ANKFN1: variants seen among roughly 807,000 people sequenced by gnomAD.
ANKFN1 encodes ankyrin repeat and fibronectin type III domain containing 1.
Under a neutral mutation model 108.7 loss-of-function variants are expected in ANKFN1, and 74 were observed. The ratio of observed to expected loss-of-function variants is 0.68; its 90% CI spans 0.56 to 0.83. The LOEUF is 0.83. ANKFN1 is among the 40% of genes least tolerant of loss of function. The pLI is 0.00. For synonymous variants in ANKFN1, 547 were observed against 516.2 expected (o/e 1.06, Z -0.81); for missense variants, 1,505 against 1,382.3 (o/e 1.09, Z -1.41).
At chr17:56,376,982 T>G (rs2046964289) in intron 8 of ANKFN1, among the ~76,000 whole-genome samples, 1 of 152,126 alleles carries the variant, frequency 6.6e-6, no homozygotes, top group Non-Finnish European at 1.5e-5. Context: ...AATATTAGTG[T>G]AATTATTTTG....
At position 56,350,902 on chromosome 17, in the gene ANKFN1, T is replaced by A; in HGVS notation, c.325T>A (p.Ser109Thr). The A allele has an allele frequency of 6.2e-7, 1 of 1,613,844 alleles. No individual in the cohort carries two copies. The highest frequency in any genetic ancestry group is 8.5e-7 in the Non-Finnish European group (1 of 1,179,882). The change falls in exon 5 of 21, where the codon TCT becomes ACT. Residue 109 changes from serine to threonine, a missense_variant. Coordinates refer to ENST00000682825, the MANE Select transcript of ANKFN1 (RefSeq NM_001370326.1). Reference sequence around the variant, plus strand: ...CTCTGAGAAACTGAAAGGGAGCCACTCTTCCTTCGATGAGGCCTATTTTAG... The same window carrying A: ...CTCTGAGAAACTGAAAGGGAGCCACACTTCCTTCGATGAGGCCTATTTTAG... Reference protein sequence around the residue: ...NLSEKLKGSHSSFDEAYFRTR... With the variant: ...NLSEKLKGSHTSFDEAYFRTR...
chr17:56,245,526 T>G (rs1180852591), intron 3 of ANKFN1, among the ~76,000 whole-genome samples: 1 of 152,122 alleles, frequency 6.6e-6, no homozygotes, highest in Non-Finnish European at 1.5e-5. Context: ...CATGCTAACT[T>G]TAAACCCTAA....
intron 4 of ANKFN1, among the ~76,000 whole-genome samples, chr17:56,327,577 ATTC>A (rs2045556767): frequency 6.6e-6 from 1 of 152,198 alleles, no homozygotes; most frequent in South Asian, 2.1e-4. Flanking sequence ...AGCCAAGGTC[ATTC>A]TCCCAGGTGA....
intron 10 of ANKFN1, among the ~76,000 whole-genome samples, chr17:56,447,223 A>C (rs1177677322): frequency 6.6e-6 from 1 of 152,210 alleles, no homozygotes; most frequent in East Asian, 1.9e-4. Flanking sequence ...ACTCTTTCTC[A>C]GAAAAAAAGA....
At chr17:56,501,189 G>A (rs1212285858) in intron 20 of ANKFN1, among the ~76,000 whole-genome samples, 5 of 152,184 alleles carry the variant, frequency 3.3e-5, no homozygotes, top group East Asian at 1.9e-4. Flanking sequence ...ACAAAAGGGC[G>A]GATCGTGAGA....
At chr17:56,247,033 T>C (rs910184180) in intron 3 of ANKFN1, among the ~76,000 whole-genome samples, 5 of 152,232 alleles carry the variant, frequency 3.3e-5, no homozygotes, top group Non-Finnish European at 7.4e-5. Context: ...GCTTTCAACA[T>C]GTAGAATGGT....
chr17:56,515,622 C>G lies in ANKFN1; in HGVS notation c.*4353C>G, dbSNP rs2051896243. Reference sequence around the variant, plus strand: ...GTAGTGTATTTGAAACCATGTTGTACCACTTGGAAACTTATTCTAAGATCT... The same window carrying G: ...GTAGTGTATTTGAAACCATGTTGTAGCACTTGGAAACTTATTCTAAGATCT... On this transcript the variant is annotated 3_prime_UTR_variant, in exon 21 of 21. Transcript: ENST00000682825. 6.6e-6 allele frequency among the ~76,000 whole-genome samples: 1 copy of G among 152,164 alleles called. No individual in the cohort carries two copies. Among genetic ancestry groups the G allele is most frequent in the African/African-American group, 2.4e-5 (1 of 41,422 alleles).
Position 56,510,499 on chromosome 17 carries a change from G to A in ANKFN1, c.2671G>A (p.Ala891Thr), listed in dbSNP as rs1342022279. The change falls in exon 21 of 21, where the codon GCC (alanine) becomes ACC (threonine). Residue 891 changes from alanine (A) to threonine (T), a missense_variant. Coordinates refer to ENST00000682825, the MANE Select transcript of ANKFN1 (RefSeq NM_001370326.1). ...TTCACAGCCCTGCTCTGATGAAGAAGCCTGCTCAGAAGTCTTCCTCCCCAC... is the reference window on the plus strand; with the variant it reads ...TTCACAGCCCTGCTCTGATGAAGAAACCTGCTCAGAAGTCTTCCTCCCCAC... ...SDSQPCSDEE[A>T]CSEVFLPTNS... The A allele has an allele frequency of 1.3e-6, 2 of 1,536,158 alleles. No homozygotes were observed. The highest frequency in any genetic ancestry group is 2.4e-5 in the East Asian group (1 of 40,920).
intron 4 of ANKFN1, among the ~76,000 whole-genome samples, chr17:56,120,422 C>A (rs1906545092): frequency 6.6e-6 from 1 of 152,090 alleles, no homozygotes; most frequent in Non-Finnish European, 1.5e-5. Flanking sequence ...TAGTCTTTGG[C>A]AATCTTGGGA....
chr17:56,290,912 A>G (rs7217792), intron 3 of ANKFN1, among the ~76,000 whole-genome samples: 15,160 of 152,088 alleles, frequency 0.1, 1,673 homozygotes, highest in African/African-American at 0.27. Context: ...TTTCATGAGC[A>G]CCTGTCTCCA....
intron 1 of ANKFN1, among the ~76,000 whole-genome samples, chr17:56,167,916 G>T (rs554648412): frequency 3.3e-5 from 5 of 152,230 alleles, no homozygotes; most frequent in Admixed American, 2.6e-4. Flanking sequence ...CCTGGAAAAT[G>T]CAGGCTTCCA....
Position 56,227,765 on chromosome 17 carries a change from A to G in ANKFN1, c.13-152A>G. ...TGGGCTACAGCCTCCTGTATCCCCAAGAAAAGTCTCCCAATAAATATATAT... is the reference window on the plus strand; with the variant it reads ...TGGGCTACAGCCTCCTGTATCCCCAGGAAAAGTCTCCCAATAAATATATAT... On this transcript the variant is annotated intron_variant, in intron 2 of 20. Transcript: ENST00000682825. 3 of 663,482 alleles carry G rather than the reference A, an allele frequency of 4.5e-6. No homozygotes were observed. The South Asian group carries it at 5.4e-5, about 12-fold the overall frequency. 41.1% of individuals were successfully genotyped at this position (663,482 alleles called of 1,614,324 possible). A position where few individuals can be genotyped will look rare whatever the true frequency, so the allele number is the denominator to read the frequency against.
intron 4 of ANKFN1, among the ~76,000 whole-genome samples, chr17:56,336,295 A>G (rs941993213): frequency 1.3e-5 from 2 of 152,172 alleles, no homozygotes; most frequent in Non-Finnish European, 2.9e-5. Flanking sequence ...AAGGAATGGT[A>G]CCAGCTCCTC....
intron 3 of ANKFN1, among the ~76,000 whole-genome samples, chr17:56,237,284 G>A (rs1917224509): frequency 6.6e-6 from 1 of 152,092 alleles, no homozygotes; most frequent in South Asian, 2.1e-4. Context: ...AGAATGAGGT[G>A]GGGAAGAATT....
chr17:56,162,906 G>A (rs552370908), intron 1 of ANKFN1, among the ~76,000 whole-genome samples: 3 of 151,888 alleles, frequency 2.0e-5, no homozygotes, highest in Non-Finnish European at 4.4e-5. Context: ...ATGCTGGCAG[G>A]CGCCTGTAAT....
chr17:56,265,842 T>G (rs1016056751), intron 3 of ANKFN1, among the ~76,000 whole-genome samples: 8 of 152,232 alleles, frequency 5.3e-5, no homozygotes, highest in African/African-American at 1.7e-4. Context: ...TGTATTCTTT[T>G]TATTGTTTTA....
chr17:56,401,136 A>G (rs551053929), intron 8 of ANKFN1, among the ~76,000 whole-genome samples: 2 of 152,062 alleles, frequency 1.3e-5, no homozygotes, highest in Non-Finnish European at 2.9e-5. Flanking sequence ...TGATGGTGGT[A>G]TTTTGATGTG....
chr17:56,251,799 A>C (rs192595855), intron 3 of ANKFN1, among the ~76,000 whole-genome samples: 46 of 152,198 alleles, frequency 3.0e-4, no homozygotes, highest in African/African-American at 1.0e-3. Flanking sequence ...AGTTACCAAT[A>C]CTCCTAGCCT....
At chr17:56,087,827 G>A (rs1456985360) in intron 4 of ANKFN1, among the ~76,000 whole-genome samples, 1 of 151,388 alleles carries the variant, frequency 6.6e-6, no homozygotes, top group Non-Finnish European at 1.5e-5. Context: ...GCACTGCAAT[G>A]TCAGGGTTAA....
Sources: allele counts gnomAD v4.1 joint callset (sites outside exome capture counted in the v4.1 genomes callset), GRCh38; gene constraint gnomAD v4.1.1; transcripts MANE v1.5; gene names NCBI Gene and HGNC (gene_info 2026-07-23, HGNC 2026-07-21).